Variants in SNX12 observed in about 807,000 individuals in gnomAD.
The protein encoded by SNX12 is sorting nexin 12.
For missense variants in SNX12, 62 were observed against 141.3 expected (o/e 0.44, Z 2.84); for synonymous variants, 47 against 56.0 (o/e 0.84, Z 0.71).
chrX:71,061,225 C>A lies in SNX12; in HGVS notation c.387-107G>T, dbSNP rs775587243. 46 of 612,390 alleles carry A rather than the reference C, an allele frequency of 7.5e-5. No homozygotes were observed. The highest frequency in any genetic ancestry group is 2.6e-5 in the South Asian group (1 of 38,875). The allele number at this position is 612,390 out of a possible 1,213,427, so 50.5% of individuals were successfully genotyped here. The stretch of plus-strand genomic sequence containing the variant: ...GAAGGGCAAGGTCAGCCCTGAGGTT[C>A]AAGCCAGTAGAGGACAGCAGTAGGG... On this transcript the variant is annotated intron_variant, in intron 3 of 3. Coordinates refer to ENST00000374274, the MANE Select transcript of SNX12 (RefSeq NM_013346.4).
chrX:71,072,371 C>T (rs1359091023), upstream of SNX12, among the ~76,000 whole-genome samples: 1 of 110,523 alleles, frequency 9.0e-6, no homozygotes, highest in Non-Finnish European at 1.9e-5. Context: ...AAATGTTTCT[C>T]AAAGGAGCAA....
intron 1 of SNX12, among the ~76,000 whole-genome samples, chrX:71,066,223 A>T (rs1017290906): frequency 1.8e-5 from 2 of 112,032 alleles, no homozygotes; most frequent in African/African-American, 6.5e-5. Flanking sequence ...GTAAGGATTA[A>T]CACAAATTAA....
chrX:71,063,794 T>G (rs1172700980), intron 1 of SNX12, among the ~76,000 whole-genome samples: 1 of 109,718 alleles, frequency 9.1e-6, no homozygotes, highest in African/African-American at 3.3e-5. Context: ...TCGCTTGTGG[T>G]CCCAGCTACT....
At chrX:71,061,440 T>C (rs1456897978) in intron 3 of SNX12, among the ~76,000 whole-genome samples, 1 of 112,290 alleles carries the variant, frequency 8.9e-6, no homozygotes, top group Non-Finnish European at 1.9e-5. Context: ...TGGTACCCAT[T>C]ATAAAAGGTG....
chrX:71,071,560 A>ATATTT (rs1210592618), upstream of SNX12, among the ~76,000 whole-genome samples: 32 of 50,000 alleles, frequency 6.4e-4, 1 homozygote, highest in Admixed American at 2.1e-3. Context: ...ATAAATATAT[A>ATATTT]ATATTTATAT....
At chrX:71,069,542 G>C (rs921608940), upstream of SNX12, among the ~76,000 whole-genome samples, 2 of 112,397 alleles carry the variant, frequency 1.8e-5, no homozygotes, top group African/African-American at 6.5e-5. Flanking sequence ...GGAAAAATTA[G>C]GGGAGGTTCC....
upstream of SNX12, among the ~76,000 whole-genome samples, chrX:71,068,701 G>C (rs5981064): frequency 0.079 from 8,887 of 112,732 alleles, 462 homozygotes; most frequent in Admixed American, 0.25. Flanking sequence ...CCGTGAGCCA[G>C]GCTCCTACAG....
chrX:71,060,988 A>G lies in SNX12; in HGVS notation c.*28T>C. 2 of 1,080,098 alleles carry G rather than the reference A, an allele frequency of 1.9e-6. No homozygotes were observed. Among genetic ancestry groups the G allele is most frequent in the Non-Finnish European group, 2.6e-6 (2 of 780,245 alleles). 89.0% of individuals were successfully genotyped at this position (1,080,098 alleles called of 1,213,427 possible). Reference sequence around the variant, plus strand: ...AAAACCAATGTCATTTCAGCAGGAAAGTAGAGGGCAGGTGGTGAGAGGGGC... The same window carrying G: ...AAAACCAATGTCATTTCAGCAGGAAGGTAGAGGGCAGGTGGTGAGAGGGGC... On this transcript the variant is annotated 3_prime_UTR_variant, in exon 4 of 4. Transcript: ENST00000374274.
At chrX:71,073,368 C>T (rs1409052596), upstream of SNX12, 1 of 111,991 alleles carries the variant, frequency 8.9e-6, no homozygotes, top group Non-Finnish European at 1.9e-5. Flanking sequence ...TGCAACCATA[C>T]TGAAAAGAAC....
upstream of SNX12, among the ~76,000 whole-genome samples, chrX:71,071,627 ATATATT>A (rs2092173651): frequency 1.6e-5 from 1 of 62,974 alleles, no homozygotes; most frequent in Non-Finnish European, 2.7e-5. Flanking sequence ...TATAATATTT[ATATATT>A]TATATTTATA....
At chrX:71,072,468 A>G (rs932954710), upstream of SNX12, among the ~76,000 whole-genome samples, 5 of 111,813 alleles carry the variant, frequency 4.5e-5, no homozygotes, top group African/African-American at 1.6e-4. Flanking sequence ...AATTACTTAA[A>G]TGAGAACAGT....
At position 71,060,066 on chromosome X, in the gene SNX12, T is replaced by A. The variant is rs1161631892; in HGVS notation, c.*950A>T. 2 of 111,594 alleles carry A rather than the reference T, an allele frequency of 1.8e-5. No homozygotes were observed. The highest frequency in any genetic ancestry group is 6.5e-5 in the African/African-American group (2 of 30,648). 9.2% of individuals were successfully genotyped at this position (111,594 alleles called of 1,213,427 possible). ...GCTTCTGCCCTGTGGCAGCACTAAA[T>A]GGGATGGGGGAAAGGAGAATGGAAG... is the stretch of plus-strand genomic sequence containing the variant. On this transcript the variant is annotated 3_prime_UTR_variant, in exon 4 of 4. Transcript: ENST00000374274.
intron 2 of SNX12, 31 bp from the exon 3 acceptor site, chrX:71,061,998 G>A (rs2092133155): frequency 1.7e-6 from 2 of 1,175,675 alleles, no homozygotes; most frequent in African/African-American, 1.8e-5. Flanking sequence ...CCAGCCACAT[G>A]GGAGAGAGAC....
upstream of SNX12, chrX:71,068,595 T>G: frequency 2.5e-5 from 5 of 196,725 alleles, no homozygotes; most frequent in East Asian, 9.9e-5. Context: ...CAGTACCCAA[T>G]ACCCTGCCTA....
At chrX:71,072,613 A>G (rs755141921), upstream of SNX12, among the ~76,000 whole-genome samples, 3 of 111,623 alleles carry the variant, frequency 2.7e-5, no homozygotes, top group South Asian at 1.1e-3. Context: ...CTAGAGAGCC[A>G]TGCATAGTCA....
Position 71,068,332 on chromosome X carries a change from G to C in SNX12, c.-26C>G, listed in dbSNP as rs1291104946. The C allele has an allele frequency of 8.6e-7, 1 of 1,165,631 alleles. No individual in the cohort carries two copies. Among genetic ancestry groups the C allele is most frequent in the Non-Finnish European group, 1.2e-6 (1 of 866,018 alleles). Reference sequence around the variant, plus strand: ...CTTTCCGAAGGAGAGCCTGGGACCGGGGAAAGGGGGTGGGGGACAGAGGCC... The same window carrying C: ...CTTTCCGAAGGAGAGCCTGGGACCGCGGAAAGGGGGTGGGGGACAGAGGCC... On this transcript the variant is annotated 5_prime_UTR_variant, in exon 1 of 4. Coordinates refer to ENST00000374274, the MANE Select transcript of SNX12 (RefSeq NM_013346.4).
chrX:71,065,725 A>G (rs780722509), intron 1 of SNX12, among the ~76,000 whole-genome samples: 1 of 109,326 alleles, frequency 9.1e-6, no homozygotes, highest in South Asian at 3.9e-4. Flanking sequence ...AATCACTTGA[A>G]CCCGGGAGGC....
chrX:71,066,900 C>T (rs1204477098), intron 1 of SNX12, among the ~76,000 whole-genome samples: 2 of 111,707 alleles, frequency 1.8e-5, no homozygotes. Context: ...TGGACTTTGC[C>T]AAACTTGGAA....
upstream of SNX12, among the ~76,000 whole-genome samples, chrX:71,069,666 C>T (rs1328266792): frequency 4.5e-5 from 5 of 111,720 alleles, no homozygotes; most frequent in East Asian, 2.8e-4. Flanking sequence ...GCAGGCCGGG[C>T]GCGGTGGCTC....
Sources: allele counts gnomAD v4.1 joint callset (sites outside exome capture counted in the v4.1 genomes callset), GRCh38; gene constraint gnomAD v4.1.1; transcripts MANE v1.5; gene names NCBI Gene and HGNC (gene_info 2026-07-23, HGNC 2026-07-21).